The following AKR1C3 variants were observed in gnomAD, a reference collection of about 807,000 sequenced individuals.
AKR1C3 encodes the protein aldo-keto reductase family 1 member C3, also known as 3-alpha hydroxysteroid dehydrogenase, type II.
A neutral mutation model predicts 43.6 loss-of-function variants in AKR1C3; 48 were observed. The ratio of observed to expected loss-of-function variants is 1.10; its 90% CI spans 0.87 to 1.40. The LOEUF (loss-of-function observed/expected upper bound fraction) is 1.40, where lower values mean the gene tolerates loss of function less well. AKR1C3 is among the 40% of genes most tolerant of loss of function. AKR1C3 has a pLI of 0.00. For missense variants in AKR1C3, 482 were observed against 391.2 expected (o/e 1.23, Z -1.96); for synonymous variants, 162 against 139.6 (o/e 1.16, Z -1.13).
intron 1 of AKR1C3, among the ~76,000 whole-genome samples, chr10:5,058,272 T>G (rs371200808): frequency 1.3e-5 from 2 of 152,122 alleles, no homozygotes; most frequent in Non-Finnish European, 2.9e-5. Flanking sequence ...AAAAGAAAAC[T>G]TGGACATAAG....
chr10:5,102,371 G>A (rs1345644293), intron 6 of AKR1C3, 114 bp from the exon 7 acceptor site: 6 of 1,518,808 alleles, frequency 4.0e-6, no homozygotes, highest in East Asian at 2.2e-5. Flanking sequence ...GGTGATGCTC[G>A]GGGGCCTCGC....
upstream of AKR1C3, among the ~76,000 whole-genome samples, chr10:5,090,484 C>A (rs1839066577): frequency 1.3e-5 from 2 of 152,124 alleles, no homozygotes; most frequent in African/African-American, 4.8e-5. Flanking sequence ...AAATAAAAAA[C>A]TACTGTCCCA....
At chr10:5,072,673 T>G (rs1179198408) in intron 1 of AKR1C3, among the ~76,000 whole-genome samples, 1 of 152,184 alleles carries the variant, frequency 6.6e-6, no homozygotes, top group Non-Finnish European at 1.5e-5. Flanking sequence ...GAAATGTTAT[T>G]TTTCCTTGGG....
chr10:5,083,120 C>A (rs1057212095), intron 1 of AKR1C3, among the ~76,000 whole-genome samples: 21 of 151,848 alleles, frequency 1.4e-4, no homozygotes, highest in African/African-American at 5.1e-4. Flanking sequence ...TACATGTGCA[C>A]AACGTGCAGG....
chr10:5,095,733 C>G (rs1175546260), intron 1 of AKR1C3, among the ~76,000 whole-genome samples: 1 of 33,818 alleles, frequency 3.0e-5, no homozygotes, highest in Admixed American at 3.7e-4. Flanking sequence ...CAGAACTGTA[C>G]CTTAGTAAAT....
At chr10:5,051,475 T>C (rs1335256740) in intron 1 of AKR1C3, among the ~76,000 whole-genome samples, 1 of 152,202 alleles carries the variant, frequency 6.6e-6, no homozygotes, top group African/African-American at 2.4e-5. Context: ...ACAGATACTA[T>C]AAAGTCATGC....
intron 8 of AKR1C3, among the ~76,000 whole-genome samples, chr10:5,106,822 G>A (rs1224006793): frequency 2.0e-5 from 3 of 151,976 alleles, no homozygotes; most frequent in African/African-American, 7.2e-5. Context: ...GGGTGAGATA[G>A]TGTGTGAAAA....
intron 1 of AKR1C3, among the ~76,000 whole-genome samples, chr10:5,079,447 G>A (rs534804919): frequency 1.2e-4 from 18 of 152,150 alleles, no homozygotes; most frequent in Admixed American, 9.2e-4. Flanking sequence ...GGAAATACAC[G>A]TTAGTGAAGT....
intron 8 of AKR1C3, among the ~76,000 whole-genome samples, chr10:5,106,470 G>T (rs1183729347): frequency 2.0e-5 from 3 of 151,998 alleles, no homozygotes; most frequent in African/African-American, 4.8e-5. Context: ...GGAAGTTATG[G>T]CCGGGCGCAG....
chr10:5,104,240 ATAAATTAGTTG>A (rs1281223782), intron 7 of AKR1C3, among the ~76,000 whole-genome samples: 1 of 152,150 alleles, frequency 6.6e-6, no homozygotes, highest in African/African-American at 2.4e-5. Context: ...CTCTTTACTT[ATAAATTAGTTG>A]TAAATTCAAA....
At chr10:5,103,837 T>C (rs1341216615) in intron 7 of AKR1C3, among the ~76,000 whole-genome samples, 1 of 152,148 alleles carries the variant, frequency 6.6e-6, no homozygotes, top group Non-Finnish European at 1.5e-5. Context: ...GAAATTCATA[T>C]AACCAAGCAA....
chr10:5,094,618 A>G (rs1050087625), intron 1 of AKR1C3, 90 bp downstream of exon 1: 24 of 1,424,008 alleles, frequency 1.7e-5, no homozygotes, highest in East Asian at 4.6e-5. Context: ...TCGTGTTCCT[A>G]CCTTACTCTG....
intron 7 of AKR1C3, 52 bp from the exon 8 acceptor site, chr10:5,105,543 G>T (rs1839478324): frequency 7.4e-7 from 1 of 1,346,856 alleles, no homozygotes; most frequent in Non-Finnish European, 1.0e-6. Context: ...AATATACTTG[G>T]GGATTCACAA....
At chr10:5,094,305 C>T, upstream of AKR1C3, 4 of 849,746 alleles carry the variant, frequency 4.7e-6, no homozygotes, top group Non-Finnish European at 7.3e-6. Flanking sequence ...ATAAGACTGC[C>T]TATGTACCTC....
intron 1 of AKR1C3, chr10:5,077,836 T>C: frequency 1.9e-6 from 1 of 538,826 alleles, no homozygotes; most frequent in East Asian, 3.4e-5. Flanking sequence ...AAAAATAACA[T>C]ATAAAAACTG....
At chr10:5,079,306 G>A (rs1039184178) in intron 1 of AKR1C3, among the ~76,000 whole-genome samples, 3 of 152,098 alleles carry the variant, frequency 2.0e-5, no homozygotes, top group African/African-American at 7.2e-5. Flanking sequence ...AAAACAAAAT[G>A]TGCCACTCAA....
upstream of AKR1C3, among the ~76,000 whole-genome samples, chr10:5,089,795 C>G (rs1428418975): frequency 1.3e-5 from 2 of 152,112 alleles, no homozygotes; most frequent in African/African-American, 4.8e-5. Context: ...GACAGTACCA[C>G]AACATTCAGA....
intron 1 of AKR1C3, among the ~76,000 whole-genome samples, chr10:5,083,832 T>A (rs367751534): frequency 6.6e-6 from 1 of 152,242 alleles, no homozygotes; most frequent in Non-Finnish European, 1.5e-5. Flanking sequence ...TGGCCAGTGA[T>A]GATGAGCATT....
At chr10:5,073,547 C>T (rs1838652900) in intron 1 of AKR1C3, among the ~76,000 whole-genome samples, 1 of 152,162 alleles carries the variant, frequency 6.6e-6, no homozygotes, top group Admixed American at 6.5e-5. Flanking sequence ...GACCCCCTTT[C>T]TCTCTCAGTC....
Sources: allele counts gnomAD v4.1 joint callset (sites outside exome capture counted in the v4.1 genomes callset), GRCh38; gene constraint gnomAD v4.1.1; transcripts MANE v1.5; gene names NCBI Gene and HGNC (gene_info 2026-07-23, HGNC 2026-07-21).